MRTFA: variants seen among roughly 807,000 people sequenced by gnomAD.
MRTFA encodes the protein myocardin related transcription factor A.
In MRTFA, 20 loss-of-function variants were observed where a neutral mutation model predicts 83.5. The observed-to-expected ratio is 0.24, with a 90% CI of 0.17 to 0.35. The LOEUF (loss-of-function observed/expected upper bound fraction) is 0.35. MRTFA is among the 10% of genes least tolerant of loss of function. The probability of loss-of-function intolerance (pLI) is 1.00; values close to 1 mark genes in which losing one functional copy is unlikely to be tolerated. For synonymous variants in MRTFA, 659 were observed against 541.2 expected, an observed-to-expected ratio of 1.22 and a Z score of -3.02; for missense variants, 1,200 against 1,224.7, an observed-to-expected ratio of 0.98 and a Z score of 0.30.
rs535795102 is a variant in MRTFA, at chr22:40,564,676, G to A, written c.-21-12309C>T. 7.2e-5 allele frequency among the ~76,000 whole-genome samples: 11 copies of A among 151,980 alleles called. No individual in the cohort carries two copies. In the East Asian group the frequency reaches 1.4e-3, roughly 19 times the overall value. ...TTTTTATTATTATTATTTTGGAGAC[G>A]GAGCCTTGCACCGTCGCCCAGGCTG... On this transcript the variant is annotated intron_variant, in intron 2 of 14. Transcript: ENST00000355630.
At chr22:40,465,333 T>C (rs985717188) in intron 3 of MRTFA, among the ~76,000 whole-genome samples, 1 of 152,210 alleles carries the variant, frequency 6.6e-6, no homozygotes, top group Non-Finnish European at 1.5e-5. Context: ...TGTACTGAAC[T>C]GGATCTCAAA....
intron 2 of MRTFA, among the ~76,000 whole-genome samples, chr22:40,571,921 C>CAAAAAAAAAAAA (rs557782525): frequency 5.3e-5 from 1 of 18,726 alleles, no homozygotes; most frequent in Non-Finnish European, 1.0e-4. Context: ...AAGACTCTGT[C>CAAAAAAAAAAAA]AAAAAAAAAA....
At chr22:40,572,327 T>C (rs946379314) in intron 2 of MRTFA, among the ~76,000 whole-genome samples, 5 of 152,172 alleles carry the variant, frequency 3.3e-5, no homozygotes, top group African/African-American at 7.2e-5. Flanking sequence ...ATTGTACACT[T>C]TGCCAGGTGC....
At chr22:40,445,755 G>T (rs1184462692) in intron 4 of MRTFA, among the ~76,000 whole-genome samples, 2 of 152,124 alleles carry the variant, frequency 1.3e-5, no homozygotes, top group Admixed American at 1.3e-4. Context: ...TCACCGTGTT[G>T]GTCAGGCTGG....
chr22:40,495,927 G>A (rs1365291805), intron 3 of MRTFA, among the ~76,000 whole-genome samples: 2 of 151,564 alleles, frequency 1.3e-5, no homozygotes, highest in Non-Finnish European at 2.9e-5. Flanking sequence ...TTAGCCGGGT[G>A]TGGTGGCACA....
At chr22:40,586,785 C>A in intron 2 of MRTFA, 1 of 344,982 alleles carries the variant, frequency 2.9e-6, no homozygotes, top group Admixed American at 3.7e-5. Flanking sequence ...CTTTTTCCCA[C>A]CAGAGGTTTC....
intron 9 of MRTFA, among the ~76,000 whole-genome samples, chr22:40,422,367 T>A (rs1327760503): frequency 6.6e-6 from 1 of 152,210 alleles, no homozygotes; most frequent in African/African-American, 2.4e-5. Flanking sequence ...ATACACAGAC[T>A]CTTCTTCCAA....
chr22:40,471,909 C>T (rs1251205599), intron 3 of MRTFA, among the ~76,000 whole-genome samples: 2 of 152,150 alleles, frequency 1.3e-5, no homozygotes, highest in Non-Finnish European at 2.9e-5. Context: ...ACCAATCATT[C>T]ACAAACTCTT....
intron 13 of MRTFA, 92 bp downstream of exon 13, chr22:40,417,249 C>A (rs1197620104): frequency 2.0e-6 from 3 of 1,519,424 alleles, no homozygotes; most frequent in African/African-American, 2.8e-5. Flanking sequence ...GCTTCGCCTG[C>A]CCCCTATTCC....
intron 2 of MRTFA, among the ~76,000 whole-genome samples, chr22:40,575,068 G>C (rs2055849409): frequency 6.6e-6 from 1 of 152,170 alleles, no homozygotes; most frequent in Non-Finnish European, 1.5e-5. Context: ...ATGGGCTTAG[G>C]TTCAAATTCC....
chr22:40,495,560 A>T (rs5995868), intron 3 of MRTFA, among the ~76,000 whole-genome samples: 2 of 150,432 alleles, frequency 1.3e-5, no homozygotes, highest in South Asian at 4.2e-4. Flanking sequence ...GGAGTTTGAG[A>T]CCAGCCTGGC....
chr22:40,453,274 C>G (rs2053527305), intron 4 of MRTFA, among the ~76,000 whole-genome samples: 1 of 152,200 alleles, frequency 6.6e-6, no homozygotes, highest in South Asian at 2.1e-4. Context: ...GACACATCAT[C>G]TCACTAGGTA....
intron 3 of MRTFA, among the ~76,000 whole-genome samples, chr22:40,540,486 T>C (rs1898165172): frequency 6.6e-6 from 1 of 152,152 alleles, no homozygotes; most frequent in Admixed American, 6.6e-5. Context: ...TATTGTTCTT[T>C]ACCACGTGGC....
At chr22:40,561,992 G>A (rs2055625353) in intron 2 of MRTFA, among the ~76,000 whole-genome samples, 1 of 152,042 alleles carries the variant, frequency 6.6e-6, no homozygotes, top group African/African-American at 2.4e-5. Flanking sequence ...CTCATCAGGT[G>A]GATCACGAGG....
At chr22:40,557,299 C>G (rs984391980) in intron 2 of MRTFA, among the ~76,000 whole-genome samples, 7 of 152,120 alleles carry the variant, frequency 4.6e-5, no homozygotes, top group African/African-American at 1.7e-4. Context: ...AAACATCAAG[C>G]CTCATACCAC....
rs759870845 is a variant in MRTFA, at chr22:40,411,402, A to G, written c.3084T>C (p.Asp1028=). 1 of 1,557,432 alleles carries G rather than the reference A, an allele frequency of 6.4e-7. No homozygotes were observed. The highest frequency in any genetic ancestry group is 1.4e-5 in the African/African-American group (1 of 73,930). The change falls in exon 15 of 15, where the codon GAT becomes GAC. Residue 1028 remains aspartate (D), a synonymous_variant. Transcript: ENST00000355630. ...TTGAGCCAGAGAGCTACAAGCAGGA[A>G]TCCCAGTGCAGCTGCAAATCATGGC...
At chr22:40,555,443 C>G (rs959282262) in intron 2 of MRTFA, among the ~76,000 whole-genome samples, 2 of 152,016 alleles carry the variant, frequency 1.3e-5, no homozygotes, top group African/African-American at 4.8e-5. Context: ...TGCCCCCCTT[C>G]TTTCTCTTGC....
Position 40,636,709 on chromosome 22 carries a change from G to A in MRTFA, c.-315C>T, listed in dbSNP as rs1401077715. 1.3e-5 allele frequency: 2 copies of A among 152,412 alleles called. No individual in the cohort carries two copies. The highest frequency in any genetic ancestry group is 2.9e-5 in the Non-Finnish European group (2 of 68,208). 9.4% of individuals were successfully genotyped at this position (152,412 alleles called of 1,614,324 possible). ...CCGCCGGCTCCTCTCAGCCACGGAA[G>A]CTGCGGGCCCGCCCACCACGCCCGC... is the stretch of plus-strand genomic sequence containing the variant. On this transcript the variant is annotated 5_prime_UTR_variant, in exon 1 of 15. Transcript: ENST00000355630.
intron 3 of MRTFA, among the ~76,000 whole-genome samples, chr22:40,483,409 G>A (rs886659721): frequency 1.3e-5 from 2 of 150,402 alleles, no homozygotes; most frequent in Non-Finnish European, 2.9e-5. Context: ...GTCTCAGCCA[G>A]GCGCAATGGC....
Sources: allele counts gnomAD v4.1 joint callset (sites outside exome capture counted in the v4.1 genomes callset), GRCh38; gene constraint gnomAD v4.1.1; transcripts MANE v1.5; gene names NCBI Gene and HGNC (gene_info 2026-07-23, HGNC 2026-07-21).